MFHAS1: variants seen among roughly 807,000 people sequenced by gnomAD.
MFHAS1 encodes multifunctional ROCO family signaling regulator 1.
MFHAS1 carries 50 observed loss-of-function variants against 70.4 expected under a neutral mutation model. That is an observed-to-expected ratio of 0.71 (90% CI 0.57 to 0.90). MFHAS1 has a LOEUF of 0.90. Among genes scored for constraint, MFHAS1 ranks in the 40% least tolerant of loss-of-function variants. The pLI is 0.00. For synonymous variants in MFHAS1, 952 were observed against 620.0 expected (o/e 1.54, Z -7.96); for missense variants, 1,795 against 1,347.6 (o/e 1.33, Z -5.20).
chr8:8,867,627 G>A (rs1225766372), intron 1 of MFHAS1, among the ~76,000 whole-genome samples: 1 of 150,678 alleles, frequency 6.6e-6, no homozygotes, highest in Non-Finnish European at 1.5e-5. Context: ...GCGCAATCTC[G>A]GCTCACCAAA....
intron 1 of MFHAS1, among the ~76,000 whole-genome samples, chr8:8,863,027 A>G (rs1454280638): frequency 1.3e-5 from 2 of 152,234 alleles, no homozygotes; most frequent in Non-Finnish European, 2.9e-5. Context: ...TTGTGTATAT[A>G]GTACAAGGAA....
intron 2 of MFHAS1, among the ~76,000 whole-genome samples, chr8:8,786,790 C>T (rs921599639): frequency 6.6e-6 from 1 of 151,830 alleles, no homozygotes; most frequent in African/African-American, 2.4e-5. Flanking sequence ...CCTCCAATCC[C>T]CCATCTCTCA....
At chr8:8,889,024 A>AT (rs1809881740) in intron 1 of MFHAS1, among the ~76,000 whole-genome samples, 1 of 140,384 alleles carries the variant, frequency 7.1e-6, no homozygotes, top group Non-Finnish European at 1.6e-5. Flanking sequence ...AAAAAAAAAA[A>AT]GTCTTCAAAA....
At chr8:8,838,943 AT>A (rs2116849570) in intron 1 of MFHAS1, among the ~76,000 whole-genome samples, 1 of 152,284 alleles carries the variant, frequency 6.6e-6, no homozygotes, top group East Asian at 1.9e-4. Flanking sequence ...GGCATGTACC[AT>A]TTTATAATAT....
intron 1 of MFHAS1, among the ~76,000 whole-genome samples, chr8:8,879,540 A>G (rs1809428492): frequency 6.6e-6 from 1 of 152,212 alleles, no homozygotes; most frequent in South Asian, 2.1e-4. Context: ...GAAGGACTTG[A>G]CCATTACTTT....
intron 2 of MFHAS1, among the ~76,000 whole-genome samples, chr8:8,787,088 T>A (rs1039533927): frequency 2.7e-4 from 39 of 146,986 alleles, no homozygotes; most frequent in Non-Finnish European, 2.1e-4. Context: ...TATTATTATT[T>A]TTTTTTTTTT....
chr8:8,879,375 G>T (rs34599909), intron 1 of MFHAS1, among the ~76,000 whole-genome samples: 40,498 of 151,982 alleles, frequency 0.27, 6,420 homozygotes, highest in East Asian at 0.46. Flanking sequence ...AAGGACTCCT[G>T]AAGAAAAGGC....
chr8:8,797,457 C>T lies in MFHAS1; in HGVS notation c.3033G>A (p.Val1011=), dbSNP rs761550434. 6.2e-7 allele frequency: 1 copy of T among 1,614,050 alleles called. No individual in the cohort carries two copies. The highest frequency in any genetic ancestry group is 1.1e-5 in the South Asian group (1 of 91,074). The change falls in exon 2 of 3, where the codon GTG becomes GTA. Residue 1011 remains valine (V), a synonymous_variant. Transcript: ENST00000276282. The part of the protein sequence containing the change: ...ELLSQPRPEG[V]AEIICPKNGS... ...CGTTCTTGGGGCAAATGATCTCTGC[C>T]ACTCCTTCCGGTCTGGGCTGACTCA...
At chr8:8,808,671 A>G (rs904854346) in intron 1 of MFHAS1, among the ~76,000 whole-genome samples, 2 of 152,264 alleles carry the variant, frequency 1.3e-5, no homozygotes, top group Non-Finnish European at 2.9e-5. Flanking sequence ...CTCAAACTGC[A>G]AAAGGTATGG....
At chr8:8,864,804 A>G (rs144736431) in intron 1 of MFHAS1, among the ~76,000 whole-genome samples, 359 of 152,294 alleles carry the variant, frequency 2.4e-3, no homozygotes, top group African/African-American at 8.4e-3. Context: ...AAGGAAAGGG[A>G]AGGAGAGAGG....
rs898794374 is a variant in MFHAS1 at position 8,890,722 on chromosome 8, C to A, written c.2337G>T (p.Leu779=). 8 of 1,613,518 alleles carry A rather than the reference C, an allele frequency of 5.0e-6. No individual in the cohort carries two copies. In the South Asian group the frequency reaches 8.8e-5, roughly 18 times the overall value. Residue 779 remains leucine (L), a synonymous_variant, in exon 1 of 3, where the codon CTG becomes CTT. Transcript: ENST00000276282. ...ACTGATGGAGCTGGGTGGCCCGGAG[C>A]AGTTCCTGGCTGGGGGTGGACCGCG... ...PMARSTPSQE[L]LRATQLHQYV...
At chr8:8,789,970 T>TCCCTACTTGTGACCATC (rs1243547873) in intron 2 of MFHAS1, among the ~76,000 whole-genome samples, 2 of 152,088 alleles carry the variant, frequency 1.3e-5, no homozygotes, top group African/African-American at 4.8e-5. Flanking sequence ...TCCCTCCCTT[T>TCCCTACTTGTGACCATC]CCCTACTTGT....
At position 8,890,712 on chromosome 8, in the gene MFHAS1, T is replaced by C; in HGVS notation, c.2347A>G (p.Thr783Ala). Reference protein sequence around the residue: ...STPSQELLRATQLHQYVEGFL... With the variant: ...STPSQELLRAAQLHQYVEGFL... ...CCCTCCACATACTGATGGAGCTGGG[T>C]GGCCCGGAGCAGTTCCTGGCTGGGG... Residue 783 changes from threonine to alanine, a missense_variant, in exon 1 of 3, where the codon ACC becomes GCC. Coordinates refer to ENST00000276282, the MANE Select transcript of MFHAS1 (RefSeq NM_004225.3). 6 of 1,613,620 alleles carry C rather than the reference T, an allele frequency of 3.7e-6. No homozygotes were observed. The highest frequency in any genetic ancestry group is 5.1e-6 in the Non-Finnish European group (6 of 1,179,730).
At chr8:8,872,695 C>T (rs975964408) in intron 1 of MFHAS1, among the ~76,000 whole-genome samples, 2 of 151,954 alleles carry the variant, frequency 1.3e-5, no homozygotes, top group Non-Finnish European at 2.9e-5. Context: ...TGCAGTGAGG[C>T]CTGGCCCAAC....
chr8:8,891,865 T>C lies in MFHAS1; in HGVS notation c.1194A>G (p.Glu398=). 5 of 1,612,240 alleles carry C rather than the reference T, an allele frequency of 3.1e-6. No individual in the cohort carries two copies. Among genetic ancestry groups the C allele is most frequent in the Non-Finnish European group, 4.2e-6 (5 of 1,179,326 alleles). Residue 398 remains glutamate (E), a synonymous_variant, in exon 1 of 3, where the codon GAA becomes GAG. Coordinates refer to ENST00000276282, the MANE Select transcript of MFHAS1 (RefSeq NM_004225.3). The surrounding 1 kb of genome is among the most constrained non-coding windows in gnomAD (Gnocchi z 5.4). The part of the protein sequence containing the change: ...GIPYIAAYQK[E]LAHSQPAVQP... ...GCACCGCCGGCTGGGAATGAGCCAGTTCCTTCTGGTAGGCTGCGATGTAGG... is the reference window on the plus strand; with the variant it reads ...GCACCGCCGGCTGGGAATGAGCCAGCTCCTTCTGGTAGGCTGCGATGTAGG...
intron 1 of MFHAS1, among the ~76,000 whole-genome samples, chr8:8,844,423 C>G (rs1278699402): frequency 6.6e-6 from 1 of 152,226 alleles, no homozygotes; most frequent in Non-Finnish European, 1.5e-5. Flanking sequence ...CTTAGCCAGT[C>G]TTGTTTACCA....
chr8:8,828,364 G>C (rs1417803943), intron 1 of MFHAS1, among the ~76,000 whole-genome samples: 1 of 152,178 alleles, frequency 6.6e-6, no homozygotes, highest in Admixed American at 6.5e-5. Flanking sequence ...AGAAATAGTG[G>C]GGAGGCAGAA....
chr8:8,843,483 A>G (rs1021504913), intron 1 of MFHAS1, among the ~76,000 whole-genome samples: 1 of 152,204 alleles, frequency 6.6e-6, no homozygotes, highest in Admixed American at 6.5e-5. Context: ...CAGGATGCTG[A>G]AGCAGGAGGA....
At chr8:8,859,236 T>A (rs1389636844) in intron 1 of MFHAS1, among the ~76,000 whole-genome samples, 1 of 152,136 alleles carries the variant, frequency 6.6e-6, no homozygotes, top group Non-Finnish European at 1.5e-5. Flanking sequence ...CCCAGCCACC[T>A]GGGAGGCTGA....
Sources: allele counts gnomAD v4.1 joint callset (sites outside exome capture counted in the v4.1 genomes callset), GRCh38; gene constraint gnomAD v4.1.1; non-coding constraint Gnocchi (gnomAD v3.1); transcripts MANE v1.5; gene names NCBI Gene and HGNC (gene_info 2026-07-23, HGNC 2026-07-21).